Variants in SCAPER observed in about 807,000 individuals in gnomAD.
The protein encoded by SCAPER is S-phase cyclin A associated protein in the ER.
A neutral mutation model predicts 182.2 loss-of-function variants in SCAPER; 98 were observed. The observed-to-expected ratio is 0.54, with a 90% CI of 0.46 to 0.64. The LOEUF (loss-of-function observed/expected upper bound fraction) is 0.64. Ranked by LOEUF, SCAPER falls within the 30% of genes least tolerant of loss-of-function variation. SCAPER has a pLI of 0.00. For missense variants in SCAPER, 1,432 were observed against 1,690.0 expected (o/e 0.85, Z 2.68); for synonymous variants, 605 against 564.6 (o/e 1.07, Z -1.01).
intron 21 of SCAPER, among the ~76,000 whole-genome samples, chr15:76,640,431 AT>A (rs1201094627): frequency 6.6e-6 from 1 of 152,256 alleles, no homozygotes; most frequent in African/African-American, 2.4e-5. Context: ...AAGTTTAGAC[AT>A]AAGCAAGCTA....
At chr15:76,665,228 G>T (rs902910240) in intron 21 of SCAPER, among the ~76,000 whole-genome samples, 1 of 152,122 alleles carries the variant, frequency 6.6e-6, no homozygotes, top group Non-Finnish European at 1.5e-5. Context: ...TTTTCTTGTT[G>T]TGACAGGCAA....
intron 24 of SCAPER, among the ~76,000 whole-genome samples, chr15:76,503,196 TTATTA>T: frequency 6.6e-6 from 1 of 152,318 alleles, no homozygotes; most frequent in South Asian, 2.1e-4. Flanking sequence ...TTTCAAATAT[TTATTA>T]TATTTCATTC....
intron 1 of SCAPER, among the ~76,000 whole-genome samples, chr15:76,896,178 T>C (rs1264604566): frequency 1.3e-5 from 2 of 151,864 alleles, no homozygotes; most frequent in African/African-American, 2.4e-5. Flanking sequence ...GAGACCAGCC[T>C]GGGCAACATG....
intron 15 of SCAPER, among the ~76,000 whole-genome samples, chr15:76,746,228 A>G (rs1046299520): frequency 6.6e-6 from 1 of 152,222 alleles, no homozygotes; most frequent in Admixed American, 6.5e-5. Context: ...GTTGTCCCTC[A>G]GTATCCATGG....
rs1467002792 is a variant in SCAPER, at chr15:76,592,656, G to A, written c.2712-18372C>T. Among the ~76,000 whole-genome samples the A allele has an allele frequency of 4.9e-5, 6 of 122,990 alleles. 1 individual carries two copies. Among genetic ancestry groups the A allele is most frequent in the Non-Finnish European group, 6.0e-5 (3 of 50,366 alleles). 80.7% of individuals were successfully genotyped at this position (122,990 alleles called of 152,430 possible). A position where few individuals can be genotyped will look rare whatever the true frequency, so the allele number is the denominator to read the frequency against. Reference sequence around the variant, plus strand: ...CACTGGGACTGGTTAGACAGTGGGCGCAGCCCATGGAGGGTCAGCCAAAGC... The same window carrying A: ...CACTGGGACTGGTTAGACAGTGGGCACAGCCCATGGAGGGTCAGCCAAAGC... On this transcript the variant is annotated intron_variant, in intron 22 of 31. Coordinates refer to ENST00000563290, the MANE Select transcript of SCAPER (RefSeq NM_020843.4).
At chr15:76,612,942 C>T (rs1474749080) in intron 22 of SCAPER, among the ~76,000 whole-genome samples, 4 of 152,104 alleles carry the variant, frequency 2.6e-5, no homozygotes, top group Non-Finnish European at 4.4e-5. Context: ...CATATGGAAT[C>T]AAAAAAGAGC....
chr15:76,382,079 A>C (rs1223913991), intron 27 of SCAPER, among the ~76,000 whole-genome samples: 1 of 152,172 alleles, frequency 6.6e-6, no homozygotes, highest in Non-Finnish European at 1.5e-5. Flanking sequence ...GTGTTGGTAT[A>C]CTGTGGTAGG....
rs185615857 is a variant in SCAPER, at chr15:76,687,237, A to T, written c.2508+14521T>A. 3.7e-3 allele frequency among the ~76,000 whole-genome samples: 566 copies of T among 152,294 alleles called. 2 individuals are homozygous for T. The highest frequency in any genetic ancestry group is 6.3e-3 in the Non-Finnish European group (428 of 67,990). On this transcript the variant is annotated intron_variant, in intron 20 of 31. Transcript: ENST00000563290. ...CGGATAAAAAAGTAAGATTTACATGATAATTAAGACATTTGATCTAATATA... is the reference window on the plus strand; with the variant it reads ...CGGATAAAAAAGTAAGATTTACATGTTAATTAAGACATTTGATCTAATATA...
At chr15:76,875,595 A>G (rs1003636595) in intron 2 of SCAPER, among the ~76,000 whole-genome samples, 21 of 152,188 alleles carry the variant, frequency 1.4e-4, no homozygotes, top group African/African-American at 2.4e-5. Flanking sequence ...GTGAGCTGAG[A>G]CTGTGTCCAG....
chr15:76,641,521 C>A (rs1306653223), intron 21 of SCAPER, among the ~76,000 whole-genome samples: 1 of 152,142 alleles, frequency 6.6e-6, no homozygotes, highest in Non-Finnish European at 1.5e-5. Context: ...ATTTCTCAAT[C>A]TGCTGATCCG....
At chr15:76,840,750 A>C (rs2069393836) in intron 5 of SCAPER, among the ~76,000 whole-genome samples, 1 of 152,222 alleles carries the variant, frequency 6.6e-6, no homozygotes, top group Non-Finnish European at 1.5e-5. Context: ...TTTCCTCAAA[A>C]TAGTTTTATT....
intron 17 of SCAPER, among the ~76,000 whole-genome samples, chr15:76,715,751 C>T (rs150203391): frequency 5.3e-5 from 8 of 152,236 alleles, no homozygotes; most frequent in African/African-American, 1.9e-4. Flanking sequence ...TCCAGAGACC[C>T]CTTCTTCCCC....
chr15:76,677,670 T>G (rs149393610), intron 20 of SCAPER, among the ~76,000 whole-genome samples: 1 of 151,204 alleles, frequency 6.6e-6, no homozygotes, highest in South Asian at 2.1e-4. Context: ...CTAATACGTA[T>G]GCAGACATGA....
chr15:76,707,685 A>C (rs2059328569), intron 17 of SCAPER, among the ~76,000 whole-genome samples: 1 of 152,164 alleles, frequency 6.6e-6, no homozygotes, highest in African/African-American at 2.4e-5. Flanking sequence ...TTGTCTCAAG[A>C]ATTTACAGAA....
intron 20 of SCAPER, among the ~76,000 whole-genome samples, chr15:76,694,149 G>T (rs184665241): frequency 2.0e-5 from 3 of 151,682 alleles, no homozygotes; most frequent in Admixed American, 6.6e-5. Flanking sequence ...AAATTTTGAT[G>T]GGGATTACAT....
chr15:76,544,738 T>A (rs535199008), intron 23 of SCAPER, among the ~76,000 whole-genome samples: 10 of 152,280 alleles, frequency 6.6e-5, no homozygotes, highest in Non-Finnish European at 1.5e-4. Flanking sequence ...TAAAATTGAT[T>A]GTGCTGATGG....
At chr15:76,863,883 G>A (rs1342435788) in intron 2 of SCAPER, among the ~76,000 whole-genome samples, 1 of 152,130 alleles carries the variant, frequency 6.6e-6, no homozygotes, top group Admixed American at 6.5e-5. Flanking sequence ...CAGCTGTCAT[G>A]CCATGAGAAG....
At chr15:76,355,543 CTTCTTT>C (rs2040897106) in intron 29 of SCAPER, among the ~76,000 whole-genome samples, 1 of 21,718 alleles carries the variant, frequency 4.6e-5, no homozygotes, top group Non-Finnish European at 1.3e-4. Context: ...TATTAGAAGT[CTTCTTT>C]TTTTTTTTCC....
In SCAPER at chr15:76,597,252, T is replaced by A. The variant is rs1172157347; in HGVS notation, c.2712-22968A>T. Among the ~76,000 whole-genome samples the A allele has an allele frequency of 3.3e-5, 4 of 121,332 alleles. 1 individual carries two copies. The highest frequency in any genetic ancestry group is 2.2e-4 in the East Asian group (1 of 4,568). 79.6% of individuals were successfully genotyped at this position (121,332 alleles called of 152,430 possible). ...ACCTAGCAAAACAACTTACACGGGA[T>A]GTGAAGGACCTCTTCAAGGAGAACT... is the stretch of plus-strand genomic sequence containing the variant. On this transcript the variant is annotated intron_variant, in intron 22 of 31. Transcript: ENST00000563290.
Sources: gnomAD v4.1 joint callset for allele counts (sites outside exome capture counted in the v4.1 genomes callset) on GRCh38, gnomAD v4.1.1 for gene constraint, MANE v1.5 for transcripts, NCBI Gene and HGNC (gene_info 2026-07-23, HGNC 2026-07-21) for gene names.